Variants in OPTN observed in about 807,000 individuals in gnomAD.
The protein encoded by OPTN is optineurin, also known as E3-14.7K-interacting protein.
Under a neutral mutation model 70.4 loss-of-function variants are expected in OPTN, and 54 were observed. That is an observed-to-expected ratio of 0.77 (90% confidence interval 0.62 to 0.96). OPTN has a LOEUF of 0.96. OPTN is among the 40% of genes least tolerant of loss of function. The pLI is 0.00. For missense variants in OPTN, 624 were observed against 673.2 expected (o/e 0.93, Z 0.81); for synonymous variants, 256 against 248.5 (o/e 1.03, Z -0.28).
intron 5 of OPTN, among the ~76,000 whole-genome samples, chr10:13,115,223 AT>A (rs1465909376): frequency 1.7e-5 from 1 of 60,146 alleles, no homozygotes; most frequent in East Asian, 3.8e-4. Flanking sequence ...ATATATATTT[AT>A]ATATAGATAT....
At chr10:13,104,986 G>T (rs906295161) in intron 1 of OPTN, among the ~76,000 whole-genome samples, 2 of 151,916 alleles carry the variant, frequency 1.3e-5, no homozygotes, top group African/African-American at 2.4e-5. Context: ...TTTTAGTAGA[G>T]ATGGGATTTC....
At chr10:13,125,859 T>C in intron 10 of OPTN, 87 bp from the exon 11 acceptor site, 1 of 980,866 alleles carries the variant, frequency 1.0e-6, no homozygotes, top group South Asian at 1.4e-5. Flanking sequence ...ATTTTTCTAC[T>C]GGAGTGTTCA....
At chr10:13,103,857 A>G (rs1020627596) in intron 1 of OPTN, among the ~76,000 whole-genome samples, 1 of 152,154 alleles carries the variant, frequency 6.6e-6, no homozygotes, top group Non-Finnish European at 1.5e-5. Flanking sequence ...AGTCTTCCTC[A>G]TTGGTGGAAT....
At position 13,114,921 on chromosome 10, in the gene OPTN, AT is replaced by A. The variant is rs1314226919; in HGVS notation, c.553-1345del. ...TGTATCTGTATTTTTTATAATAGAT[AT>A]ATCTATATTTATATATATTTATATA... On this transcript the variant is annotated intron_variant, in intron 5 of 14. Coordinates refer to ENST00000378747, the MANE Select transcript of OPTN (RefSeq NM_001008212.2). 8.9e-5 allele frequency among the ~76,000 whole-genome samples: 7 copies of A among 78,608 alleles called. 2 individuals carry two copies. Among genetic ancestry groups the A allele is most frequent in the African/African-American group, 4.0e-4 (7 of 17,512 alleles). The allele number at this position is 78,608 out of a possible 152,430, so 51.6% of individuals were successfully genotyped here.
At chr10:13,119,566 C>T in intron 7 of OPTN, among the ~76,000 whole-genome samples, 1 of 152,212 alleles carries the variant, frequency 6.6e-6, no homozygotes, top group Middle Eastern at 3.4e-3. Context: ...TGGGGTATAT[C>T]GTTATGGGTG....
At position 13,137,088 on chromosome 10, in the gene OPTN, G is replaced by C. The variant is rs1451563043; in HGVS notation, c.*222G>C. 3.6e-6 allele frequency: 2 copies of C among 551,882 alleles called. No individual in the cohort carries two copies. Among genetic ancestry groups the C allele is most frequent in the African/African-American group, 1.9e-5 (1 of 53,376 alleles). 34.2% of individuals were successfully genotyped at this position (551,882 alleles called of 1,614,324 possible). On this transcript the variant is annotated 3_prime_UTR_variant, in exon 15 of 15. Coordinates refer to ENST00000378747, the MANE Select transcript of OPTN (RefSeq NM_001008212.2). ...TGGGGTCAGGGTTTGAGACCAGCCTGGCCAACATGGCGGAACCCTGTCTCT... is the reference window on the plus strand; with the variant it reads ...TGGGGTCAGGGTTTGAGACCAGCCTCGCCAACATGGCGGAACCCTGTCTCT...
Position 13,136,755 on chromosome 10 carries a change from C to T in OPTN, c.1623C>T (p.Asp541=). 6.2e-7 allele frequency: 1 copy of T among 1,614,020 alleles called. No homozygotes were observed. The highest frequency in any genetic ancestry group is 8.5e-7 in the Non-Finnish European group (1 of 1,179,934). Residue 541 remains aspartate, a synonymous_variant, in exon 15 of 15, where the codon GAC becomes GAT. Transcript: ENST00000378747. ...QAYLVQRGAE[D]RDWRQQRNIP... ...CATACTTATTCCCAGGAGCTGAGGA[C>T]AGGGACTGGCGGCAACAGCGGAATA...
chr10:13,133,904 G>A (rs1833644793), intron 14 of OPTN, among the ~76,000 whole-genome samples: 1 of 152,046 alleles, frequency 6.6e-6, no homozygotes. Flanking sequence ...CACTTCCTGT[G>A]TTCAAACGGT....
chr10:13,117,833 C>T (rs945674429), intron 6 of OPTN, among the ~76,000 whole-genome samples: 5 of 152,126 alleles, frequency 3.3e-5, no homozygotes, highest in East Asian at 1.9e-4. Flanking sequence ...AATTGTCTTC[C>T]GTTATGTTTC....
chr10:13,127,442 C>T (rs1833490603), intron 11 of OPTN, among the ~76,000 whole-genome samples: 1 of 152,172 alleles, frequency 6.6e-6, no homozygotes, highest in Admixed American at 6.5e-5. Context: ...GGTGTTATCA[C>T]CTTTTTTTTA....
intron 6 of OPTN, chr10:13,116,565 G>A: frequency 1.7e-6 from 1 of 581,528 alleles, no homozygotes; most frequent in South Asian, 1.9e-5. Context: ...TGACTGCTCT[G>A]TTCTAGTGGT....
chr10:13,115,120 TA>T (rs1389830764), intron 5 of OPTN, among the ~76,000 whole-genome samples: 1 of 99,398 alleles, frequency 1.0e-5, no homozygotes, highest in Non-Finnish European at 1.8e-5. Context: ...ATATTATATA[TA>T]TATATAAATT....
chr10:13,109,252 A>C lies in OPTN; in HGVS notation c.130A>C (p.Met44Leu). The C allele has an allele frequency of 6.2e-7, 1 of 1,613,928 alleles. No individual in the cohort carries two copies. Among genetic ancestry groups the C allele is most frequent in the African/African-American group, 1.3e-5 (1 of 75,024 alleles). Residue 44 changes from methionine to leucine, a missense_variant, in exon 3 of 15, where the codon ATG becomes CTG. Transcript: ENST00000378747. ...TFTPEELLQQ[M>L]KELLTENHQL... is the part of the protein sequence containing the mutation. ...TACCCCGGAGGAGCTGCTGCAGCAG[A>C]TGAAAGAGCTCCTGACCGAGAACCA...
intron 14 of OPTN, among the ~76,000 whole-genome samples, chr10:13,135,264 A>C (rs1833675018): frequency 6.6e-6 from 1 of 152,120 alleles, no homozygotes. Context: ...TGCATCCATC[A>C]CAGTTTGTAT....
rs1431783246 is a variant in OPTN, at chr10:13,116,324, A to G, written c.610A>G (p.Thr204Ala). 3.1e-6 allele frequency: 5 copies of G among 1,613,208 alleles called. No individual in the cohort carries two copies. The highest frequency in any genetic ancestry group is 4.2e-6 in the Non-Finnish European group (5 of 1,179,358). The change falls in exon 6 of 15, where the codon ACA becomes GCA. Residue 204 changes from threonine to alanine, a missense_variant. Coordinates refer to ENST00000378747, the MANE Select transcript of OPTN (RefSeq NM_001008212.2). The stretch of plus-strand genomic sequence containing the variant: ...CAAGCATAGTCCTGGGCCCACGAGA[A>G]CAGTCTCCACTGGCACGTATGTGAA... Reference protein sequence around the residue: ...EIKHSPGPTRTVSTGTALSKY... With the variant: ...EIKHSPGPTRAVSTGTALSKY...
In OPTN at chr10:13,109,902, TAC is replaced by T. The variant is rs1311957396; in HGVS notation, c.167-371_167-370del. ...TGGTTCCAGAGTTAGTCCTATATAT[TAC>T]CTTATTAAGAGAAAGCATCCTGGTA... On this transcript the variant is annotated intron_variant, in intron 3 of 14. Transcript: ENST00000378747. Among the ~76,000 whole-genome samples, 17 of 117,834 alleles carry T rather than the reference TAC, an allele frequency of 1.4e-4. No individual in the cohort carries two copies. In the East Asian group the frequency reaches 3.9e-3, roughly 27 times the overall value. The allele number at this position is 117,834 out of a possible 152,430, so 77.3% of individuals were successfully genotyped here.
At chr10:13,132,765 C>T (rs1833620670) in intron 13 of OPTN, among the ~76,000 whole-genome samples, 1 of 152,122 alleles carries the variant, frequency 6.6e-6, no homozygotes, top group Non-Finnish European at 1.5e-5. Flanking sequence ...CCTGAATATT[C>T]TTTAAAAAAT....
intron 5 of OPTN, among the ~76,000 whole-genome samples, chr10:13,115,467 TAGA>T (rs563362768): frequency 0.014 from 1,439 of 102,678 alleles, 98 homozygotes; most frequent in African/African-American, 0.063. Flanking sequence ...TTATATAATA[TAGA>T]ATATATATAA....
chr10:13,130,987 G>A (rs997474154), intron 12 of OPTN, among the ~76,000 whole-genome samples: 3 of 152,178 alleles, frequency 2.0e-5, no homozygotes, highest in East Asian at 1.9e-4. Flanking sequence ...TCGCATGATC[G>A]TGGTTCACTG....
Sources: gnomAD v4.1 joint callset for allele counts (sites outside exome capture counted in the v4.1 genomes callset) on GRCh38, gnomAD v4.1.1 for gene constraint, MANE v1.5 for transcripts, NCBI Gene and HGNC (gene_info 2026-07-23, HGNC 2026-07-21) for gene names.